Variants in RARB observed in about 807,000 individuals in gnomAD.
RARB encodes retinoic acid receptor beta.
In RARB, 17 loss-of-function variants were observed where a neutral mutation model predicts 51.9. That is an observed-to-expected ratio of 0.33 (90% confidence interval 0.22 to 0.49). RARB has a LOEUF of 0.49. Among genes scored for constraint, RARB ranks in the 20% least tolerant of loss-of-function variants. RARB has a pLI of 0.99. For missense variants in RARB, 369 were observed against 550.8 expected, an observed-to-expected ratio of 0.67 and a Z score of 3.30; for synonymous variants, 215 against 195.4, an observed-to-expected ratio of 1.10 and a Z score of -0.84.
chr3:24,909,480 G>T (rs1055780972), intron 2 of RARB, among the ~76,000 whole-genome samples: 1 of 152,042 alleles, frequency 6.6e-6, no homozygotes, highest in Non-Finnish European at 1.5e-5. Context: ...TGCACACGAG[G>T]CCTGTCTCCT....
chr3:25,358,173 T>G (rs1385619498), intron 5 of RARB, among the ~76,000 whole-genome samples: 3 of 152,346 alleles, frequency 2.0e-5, no homozygotes, highest in Middle Eastern at 3.4e-3. Context: ...TGGTTTGTAG[T>G]TCTCCTTGAA....
intron 5 of RARB, among the ~76,000 whole-genome samples, chr3:25,420,173 A>C (rs995486648): frequency 1.3e-5 from 2 of 152,118 alleles, no homozygotes; most frequent in Admixed American, 1.3e-4. Context: ...AGGGATTTCT[A>C]TCTGGCTTTA....
At chr3:24,903,836 G>A (rs1694783052) in intron 2 of RARB, among the ~76,000 whole-genome samples, 1 of 152,094 alleles carries the variant, frequency 6.6e-6, no homozygotes, top group Admixed American at 6.6e-5. Context: ...GAATCTTAAG[G>A]ATTAATAACA....
At chr3:25,187,156 A>G (rs1700998013) in intron 5 of RARB, among the ~76,000 whole-genome samples, 1 of 151,962 alleles carries the variant, frequency 6.6e-6, no homozygotes, top group African/African-American at 2.4e-5. Context: ...CCTGCAGGAG[A>G]GCATGGTGAG....
At chr3:25,220,257 G>A (rs1226871576) in intron 5 of RARB, among the ~76,000 whole-genome samples, 1 of 152,136 alleles carries the variant, frequency 6.6e-6, no homozygotes, top group Non-Finnish European at 1.5e-5. Flanking sequence ...ATTTCCTTCT[G>A]TTAGGAAAAC....
chr3:25,184,918 A>G (rs1161170496), intron 5 of RARB, among the ~76,000 whole-genome samples: 1 of 152,140 alleles, frequency 6.6e-6, no homozygotes, highest in Admixed American at 6.6e-5. Flanking sequence ...AAAAAAAGTA[A>G]AAACTTAGTA....
intron 5 of RARB, among the ~76,000 whole-genome samples, chr3:25,228,761 G>A (rs1341451860): frequency 1.3e-5 from 2 of 152,016 alleles, no homozygotes; most frequent in Non-Finnish European, 2.9e-5. Flanking sequence ...ATTAATAAAA[G>A]CACACATGCA....
chr3:25,169,070 T>C (rs777013052), intron 4 of RARB, among the ~76,000 whole-genome samples: 2 of 152,156 alleles, frequency 1.3e-5, no homozygotes, highest in Non-Finnish European at 2.9e-5. Context: ...AAAAATGACT[T>C]CTAATCCACA....
chr3:25,019,500 G>T (rs1697583176), intron 2 of RARB, among the ~76,000 whole-genome samples: 1 of 151,920 alleles, frequency 6.6e-6, no homozygotes, highest in Middle Eastern at 3.4e-3. Flanking sequence ...TTTCTTCACG[G>T]GTTTATAACC....
Position 25,428,672 on chromosome 3 carries a change from C to T in RARB, c.-60C>T. 6.5e-7 allele frequency: 1 copy of T among 1,545,122 alleles called. No individual in the cohort carries two copies. The highest frequency in any genetic ancestry group is 2.3e-5 in the East Asian group (1 of 43,562). On this transcript the variant is annotated 5_prime_UTR_variant, in exon 1 of 8. Transcript: ENST00000330688. ...ATGGAGTTGGGTGGACTTTTCTATG[C>T]CATTTGCCTCCACACCTAGAGGATA...
intron 5 of RARB, among the ~76,000 whole-genome samples, chr3:25,188,173 A>ATAGT: frequency 6.6e-6 from 1 of 152,188 alleles, no homozygotes; most frequent in South Asian, 2.1e-4. Flanking sequence ...AAGCATATTA[A>ATAGT]TAGTCTTCAT....
chr3:25,183,038 A>G (rs2125358514), intron 5 of RARB, among the ~76,000 whole-genome samples: 1 of 152,232 alleles, frequency 6.6e-6, no homozygotes, highest in South Asian at 2.1e-4. Context: ...TTGGTTTTGG[A>G]CTTCTGGCCT....
intron 1 of RARB, among the ~76,000 whole-genome samples, chr3:25,431,330 G>A (rs780873696): frequency 2.0e-5 from 3 of 152,024 alleles, no homozygotes; most frequent in Non-Finnish European, 2.9e-5. Context: ...ACCATCACAA[G>A]CTCACTTTGA....
chr3:25,371,476 A>G (rs927958031), intron 5 of RARB, among the ~76,000 whole-genome samples: 1 of 152,248 alleles, frequency 6.6e-6, no homozygotes, highest in Admixed American at 6.5e-5. Flanking sequence ...CTTGGTCATT[A>G]TTAAGAGCAA....
chr3:25,072,435 A>G (rs925134282), intron 3 of RARB, among the ~76,000 whole-genome samples: 4 of 152,166 alleles, frequency 2.6e-5, no homozygotes, highest in African/African-American at 9.7e-5. Flanking sequence ...GAGCCTCAAG[A>G]TATAAAACAA....
intron 5 of RARB, among the ~76,000 whole-genome samples, chr3:25,413,456 C>T (rs954928144): frequency 2.0e-5 from 3 of 152,012 alleles, no homozygotes; most frequent in Admixed American, 6.5e-5. Flanking sequence ...ATGCCTTTTA[C>T]ATGAACATAT....
At chr3:25,565,995 C>T (rs1490787596) in intron 3 of RARB, among the ~76,000 whole-genome samples, 2 of 152,186 alleles carry the variant, frequency 1.3e-5, no homozygotes, top group Admixed American at 1.3e-4. Flanking sequence ...CCTCCCACTG[C>T]TGGCCTCCAG....
At chr3:24,875,318 AG>A (rs1451293613) in intron 2 of RARB, among the ~76,000 whole-genome samples, 1 of 152,164 alleles carries the variant, frequency 6.6e-6, no homozygotes, top group African/African-American at 2.4e-5. Flanking sequence ...AGCCTGGCTT[AG>A]GCCATCTATA....
intron 2 of RARB, among the ~76,000 whole-genome samples, chr3:24,921,896 T>A (rs1450110680): frequency 2.6e-5 from 4 of 152,230 alleles, no homozygotes; most frequent in Non-Finnish European, 5.9e-5. Context: ...TTTAAGCAAT[T>A]CATGAATTTG....
Sources: gnomAD v4.1 joint callset for allele counts (sites outside exome capture counted in the v4.1 genomes callset) on GRCh38, gnomAD v4.1.1 for gene constraint, MANE v1.5 for transcripts, NCBI Gene and HGNC (gene_info 2026-07-23, HGNC 2026-07-21) for gene names.